CMC1: variants seen among roughly 807,000 people sequenced by gnomAD.
CMC1 encodes C-X9-C motif containing 1.
CMC1 carries 14 observed loss-of-function variants against 14.1 expected under a neutral mutation model. The observed-to-expected ratio is 0.99, with a 90% CI of 0.66 to 1.55. The LOEUF (loss-of-function observed/expected upper bound fraction) is 1.55. CMC1 is among the 40% of genes most tolerant of loss of function. The pLI is 0.00. For missense variants in CMC1, 127 were observed against 123.8 expected, an observed-to-expected ratio of 1.03 and a Z score of -0.12; for synonymous variants, 50 against 38.4, an observed-to-expected ratio of 1.30 and a Z score of -1.12.
At chr3:28,272,124 C>G (rs1010674879) in intron 2 of CMC1, among the ~76,000 whole-genome samples, 1 of 152,098 alleles carries the variant, frequency 6.6e-6, no homozygotes, top group African/African-American at 2.4e-5. Flanking sequence ...AGCTTTTGGG[C>G]TGAGACAGTG....
chr3:28,292,839 AG>A lies in CMC1; in HGVS notation c.110-23493del, dbSNP rs1350316545. ...GTTGTGATTGCGACACTGATAATTA[AG>A]ATTGGTTTAGTTGTTCTGTTGTACT... On this transcript the variant is annotated intron_variant, in intron 2 of 3. Coordinates refer to ENST00000466830, the MANE Select transcript of CMC1 (RefSeq NM_182523.2). The A allele has an allele frequency of 7.2e-5, 11 of 152,324 alleles. No homozygotes were observed. The East Asian group carries it at 2.1e-3, about 29-fold the overall frequency. 9.4% of individuals were successfully genotyped at this position (152,324 alleles called of 1,614,324 possible). A position where few individuals can be genotyped will look rare whatever the true frequency, so the allele number is the denominator to read the frequency against.
Position 28,322,833 on chromosome 3 carries a change from C to A in CMC1, c.*3204C>A, listed in dbSNP as rs1231954588. ...TATTCAGTAATACAGTAGAAGAGAT[C>A]TGAGATATTGAGTTCAAGATATATG... is the stretch of plus-strand genomic sequence containing the variant. On this transcript the variant is annotated 3_prime_UTR_variant, in exon 4 of 4. Transcript: ENST00000466830. 6.6e-6 allele frequency: 1 copy of A among 151,118 alleles called. No homozygotes were observed. Among genetic ancestry groups the A allele is most frequent in the East Asian group, 1.9e-4 (1 of 5,146 alleles). The allele number at this position is 151,118 out of a possible 1,614,324, so 9.4% of individuals were successfully genotyped here.
intron 2 of CMC1, among the ~76,000 whole-genome samples, chr3:28,313,735 G>T (rs114501201): frequency 0.012 from 1,836 of 152,286 alleles, 35 homozygotes; most frequent in African/African-American, 0.041. Context: ...ATAAATGCTA[G>T]TTTGTACCAG....
chr3:28,306,259 C>G (rs2125588334), intron 2 of CMC1, among the ~76,000 whole-genome samples: 1 of 152,282 alleles, frequency 6.6e-6, no homozygotes, highest in Non-Finnish European at 1.5e-5. Flanking sequence ...AGCATTGAAT[C>G]TATAGATTGC....
In CMC1 at chr3:28,321,952, A is replaced by T. The variant is rs1688045007; in HGVS notation, c.*2323A>T. 6.6e-6 allele frequency: 1 copy of T among 151,394 alleles called. No homozygotes were observed. Among genetic ancestry groups the T allele is most frequent in the African/African-American group, 2.4e-5 (1 of 41,360 alleles). The allele number at this position is 151,394 out of a possible 1,614,324, so 9.4% of individuals were successfully genotyped here. ...AAAGATTCCAAAGGAAGCTCTTTAG[A>T]GCAAGTTTCAGCTAGTATGAAAGAA... On this transcript the variant is annotated 3_prime_UTR_variant, in exon 4 of 4. Coordinates refer to ENST00000466830, the MANE Select transcript of CMC1 (RefSeq NM_182523.2).
Position 28,323,358 on chromosome 3 carries a change from T to C in CMC1, c.*3729T>C, listed in dbSNP as rs1304528793. 6.7e-6 allele frequency: 1 copy of C among 150,316 alleles called. No homozygotes were observed. Among genetic ancestry groups the C allele is most frequent in the Non-Finnish European group, 1.5e-5 (1 of 66,956 alleles). 9.3% of individuals were successfully genotyped at this position (150,316 alleles called of 1,614,324 possible). On this transcript the variant is annotated 3_prime_UTR_variant, in exon 4 of 4. Coordinates refer to ENST00000466830, the MANE Select transcript of CMC1 (RefSeq NM_182523.2). Reference sequence around the variant, plus strand: ...CCAGAGTTTTTCAACTATTTCATTTTTTTTTTTTTTTTTCCCAATTAGGAC... The same window carrying C: ...CCAGAGTTTTTCAACTATTTCATTTCTTTTTTTTTTTTTCCCAATTAGGAC...
intron 2 of CMC1, among the ~76,000 whole-genome samples, chr3:28,268,533 A>G (rs1343542411): frequency 2.0e-5 from 3 of 152,192 alleles, no homozygotes; most frequent in African/African-American, 7.2e-5. Flanking sequence ...GATTCCCAGA[A>G]GGAAAGCAGG....
intron 2 of CMC1, among the ~76,000 whole-genome samples, chr3:28,284,464 A>G (rs1701065500): frequency 6.6e-6 from 1 of 152,158 alleles, no homozygotes; most frequent in Non-Finnish European, 1.5e-5. Flanking sequence ...AGGAATTAAA[A>G]CAAAACAAAA....
chr3:28,280,150 G>GTGTA (rs1700810186), intron 2 of CMC1, among the ~76,000 whole-genome samples: 1 of 152,120 alleles, frequency 6.6e-6, no homozygotes. Context: ...AGTGAAAAAA[G>GTGTA]TGTATACTCT....
Position 28,270,189 on chromosome 3 carries a change from T to G in CMC1, c.109+6809T>G, listed in dbSNP as rs1299233516. ...GGGCATTTGGGCTGATTCCATGTCT[T>G]TGCTATTGTGAATAGTGCTGCAGTG... On this transcript the variant is annotated intron_variant, in intron 2 of 3. Coordinates refer to ENST00000466830, the MANE Select transcript of CMC1 (RefSeq NM_182523.2). Among the ~76,000 whole-genome samples the G allele has an allele frequency of 2.0e-5, 3 of 152,218 alleles. No individual in the cohort carries two copies. In the East Asian group the frequency reaches 5.8e-4, roughly 29 times the overall value.
In CMC1 at chr3:28,274,218, TTC is replaced by T. The variant is rs1413797361; in HGVS notation, c.109+10840_109+10841del. On this transcript the variant is annotated intron_variant, in intron 2 of 3. Transcript: ENST00000466830. ...TTTGTACTAAAGTGTTTTTGTTTTTTTCTTTTTTTTTTTTTTTGCAGTGGCTA... is the reference window on the plus strand; with the variant it reads ...TTTGTACTAAAGTGTTTTTGTTTTTTTTTTTTTTTTTTTTTGCAGTGGCTA... Among the ~76,000 whole-genome samples, 41 of 127,580 alleles carry T rather than the reference TTC, an allele frequency of 3.2e-4. 4 individuals carry two copies. The highest frequency in any genetic ancestry group is 2.8e-3 in the East Asian group (12 of 4,282). The allele number at this position is 127,580 out of a possible 152,430, so 83.7% of individuals were successfully genotyped here. A position where few individuals can be genotyped will look rare whatever the true frequency, so the allele number is the denominator to read the frequency against.
chr3:28,295,028 A>G (rs925495480), intron 2 of CMC1, among the ~76,000 whole-genome samples: 2 of 152,134 alleles, frequency 1.3e-5, no homozygotes, highest in African/African-American at 4.8e-5. Context: ...GGAAGGAGCA[A>G]AGAATGCAGT....
intron 1 of CMC1, among the ~76,000 whole-genome samples, chr3:28,250,471 G>C (rs956611561): frequency 2.6e-5 from 4 of 152,164 alleles, no homozygotes; most frequent in Non-Finnish European, 1.5e-5. Flanking sequence ...AGATTGCTTT[G>C]AGCTTTCTGA....
chr3:28,258,614 ATTTTTTT>A (rs61323375), intron 1 of CMC1, among the ~76,000 whole-genome samples: 3 of 99,128 alleles, frequency 3.0e-5, no homozygotes, highest in Non-Finnish European at 5.9e-5. Flanking sequence ...GTATTTCTGG[ATTTTTTT>A]TTTTTTTTTT....
At chr3:28,279,657 A>AG (rs5847508) in intron 2 of CMC1, among the ~76,000 whole-genome samples, 1 of 88,818 alleles carries the variant, frequency 1.1e-5, no homozygotes, top group Non-Finnish European at 3.0e-5. Flanking sequence ...TCTAAAACTG[A>AG]AAAAAAAAAA....
intron 2 of CMC1, among the ~76,000 whole-genome samples, chr3:28,275,158 G>C (rs1700509732): frequency 6.6e-6 from 1 of 152,028 alleles, no homozygotes; most frequent in Non-Finnish European, 1.5e-5. Context: ...CGATCATTTG[G>C]AGGAGAAGAG....
At chr3:28,289,674 A>T (rs552542423) in intron 2 of CMC1, among the ~76,000 whole-genome samples, 1 of 152,128 alleles carries the variant, frequency 6.6e-6, no homozygotes, top group Non-Finnish European at 1.5e-5. Context: ...CTTTCTAACA[A>T]TATGTGAGAC....
chr3:28,313,430 A>T (rs933519448), intron 2 of CMC1, among the ~76,000 whole-genome samples: 2 of 152,208 alleles, frequency 1.3e-5, no homozygotes, highest in Non-Finnish European at 2.9e-5. Flanking sequence ...TATTGATAGA[A>T]TCAGATATAC....
At chr3:28,247,238 G>A (rs1337676187) in intron 1 of CMC1, among the ~76,000 whole-genome samples, 1 of 151,906 alleles carries the variant, frequency 6.6e-6, no homozygotes, top group Non-Finnish European at 1.5e-5. Context: ...CCTTTTATTT[G>A]GGCACAGTAT....
Sources: gnomAD v4.1 joint callset for allele counts (sites outside exome capture counted in the v4.1 genomes callset) on GRCh38, gnomAD v4.1.1 for gene constraint, MANE v1.5 for transcripts, NCBI Gene and HGNC (gene_info 2026-07-23, HGNC 2026-07-21) for gene names.